STXBP5L: variants seen among roughly 807,000 people sequenced by gnomAD.
The protein encoded by STXBP5L is syntaxin-binding protein 5-like.
In STXBP5L, 65 loss-of-function variants were observed where a neutral mutation model predicts 144.5. That is an observed-to-expected ratio of 0.45 (90% CI 0.37 to 0.55). STXBP5L has a LOEUF of 0.55. Among genes scored for constraint, STXBP5L ranks in the 20% least tolerant of loss-of-function variants. STXBP5L has a pLI of 0.00. For missense variants in STXBP5L, 1,298 were observed against 1,405.5 expected (o/e 0.92, Z 1.22); for synonymous variants, 505 against 469.6 (o/e 1.08, Z -0.97).
intron 9 of STXBP5L, among the ~76,000 whole-genome samples, chr3:121,199,990 G>A (rs769560189): frequency 7.2e-5 from 11 of 152,096 alleles, no homozygotes; most frequent in Non-Finnish European, 1.2e-4. Flanking sequence ...GGATGATGCT[G>A]GCCTCACAAA....
intron 9 of STXBP5L, among the ~76,000 whole-genome samples, chr3:121,159,843 A>G (rs1252783330): frequency 6.6e-6 from 1 of 151,814 alleles, no homozygotes; most frequent in East Asian, 1.9e-4. Flanking sequence ...CGTGTTAGCC[A>G]GGATGGTCTC....
intron 2 of STXBP5L, among the ~76,000 whole-genome samples, chr3:120,946,990 C>A (rs906431521): frequency 6.6e-6 from 1 of 151,646 alleles, no homozygotes; most frequent in Admixed American, 6.6e-5. Context: ...ATATTTGTAA[C>A]TAATTCTTTC....
At chr3:121,303,819 A>G (rs2052031023) in intron 19 of STXBP5L, among the ~76,000 whole-genome samples, 1 of 152,026 alleles carries the variant, frequency 6.6e-6, no homozygotes, top group Non-Finnish European at 1.5e-5. Flanking sequence ...ATAGGTGGGA[A>G]TTGAAAAATG....
chr3:121,225,633 T>C (rs2049099392), intron 11 of STXBP5L, among the ~76,000 whole-genome samples: 1 of 152,048 alleles, frequency 6.6e-6, no homozygotes, highest in South Asian at 2.1e-4. Flanking sequence ...TTTAGAACTC[T>C]ACAAAGGAAC....
chr3:121,298,613 G>C (rs966779906), intron 19 of STXBP5L, among the ~76,000 whole-genome samples: 9 of 152,106 alleles, frequency 5.9e-5, no homozygotes, highest in African/African-American at 2.4e-5. Context: ...GCTACAACAT[G>C]ATGAGCCTTC....
intron 3 of STXBP5L, among the ~76,000 whole-genome samples, chr3:121,040,583 C>T (rs562922456): frequency 6.6e-6 from 1 of 152,188 alleles, no homozygotes; most frequent in South Asian, 2.1e-4. Context: ...GAAGACCCTT[C>T]TGCAAATCTC....
intron 18 of STXBP5L, among the ~76,000 whole-genome samples, chr3:121,262,407 A>T (rs374496193): frequency 1.3e-3 from 202 of 152,328 alleles, no homozygotes; most frequent in Non-Finnish European, 2.6e-3. Flanking sequence ...AGGCAGGTGG[A>T]TCACCTGAGG....
chr3:121,093,737 T>C (rs2042954842), intron 5 of STXBP5L, among the ~76,000 whole-genome samples: 1 of 152,136 alleles, frequency 6.6e-6, no homozygotes, highest in Non-Finnish European at 1.5e-5. Flanking sequence ...CTGGATTCAT[T>C]AATTTTTGAA....
chr3:121,364,877 G>A (rs2045819948), intron 20 of STXBP5L, among the ~76,000 whole-genome samples: 1 of 151,612 alleles, frequency 6.6e-6, no homozygotes, highest in South Asian at 2.1e-4. Context: ...TTATTATATT[G>A]AGATAATTTC....
At chr3:121,353,567 C>G (rs781163892) in intron 20 of STXBP5L, among the ~76,000 whole-genome samples, 4 of 151,954 alleles carry the variant, frequency 2.6e-5, no homozygotes, top group African/African-American at 4.8e-5. Context: ...TTTGATTCTT[C>G]TCTCTTTTCT....
intron 3 of STXBP5L, among the ~76,000 whole-genome samples, chr3:120,995,703 T>C (rs1943293335): frequency 6.6e-6 from 1 of 152,078 alleles, no homozygotes; most frequent in Non-Finnish European, 1.5e-5. Context: ...TAGAATAATA[T>C]AATTTTCTTA....
intron 3 of STXBP5L, among the ~76,000 whole-genome samples, chr3:120,997,687 G>A (rs1000153853): frequency 6.6e-6 from 1 of 152,088 alleles, no homozygotes; most frequent in African/African-American, 2.4e-5. Flanking sequence ...ACCTTTGTCA[G>A]ATGCATAGCT....
In STXBP5L at chr3:121,011,762, T is replaced by A. The variant is rs140628869; in HGVS notation, c.288-29938T>A. On this transcript the variant is annotated intron_variant, in intron 3 of 26. Coordinates refer to ENST00000471454, the MANE Select transcript of STXBP5L (RefSeq NM_001308330.2). ...GGACACTTATAATGAATTTGTTATATCTTTTTTTTTGTTTTGTTGTTAAAC... is the reference window on the plus strand; with the variant it reads ...GGACACTTATAATGAATTTGTTATAACTTTTTTTTTGTTTTGTTGTTAAAC... Among the ~76,000 whole-genome samples, 171 of 151,890 alleles carry A rather than the reference T, an allele frequency of 1.1e-3. 1 individual carries two copies. Among genetic ancestry groups the A allele is most frequent in the African/African-American group, 3.9e-3 (160 of 41,478 alleles).
chr3:121,173,269 G>T (rs555284408), intron 9 of STXBP5L, among the ~76,000 whole-genome samples: 2 of 151,682 alleles, frequency 1.3e-5, no homozygotes, highest in South Asian at 4.2e-4. Context: ...CATGGCACGT[G>T]TATACTTATG....
intron 10 of STXBP5L, among the ~76,000 whole-genome samples, chr3:121,210,672 A>G (rs1386118988): frequency 4.6e-5 from 7 of 152,182 alleles, no homozygotes; most frequent in Admixed American, 3.3e-4. Context: ...TCCCAGCACC[A>G]TTTATTAAAT....
intron 23 of STXBP5L, among the ~76,000 whole-genome samples, chr3:121,412,744 AAAAAAC>A (rs2047144963): frequency 6.7e-6 from 1 of 148,568 alleles, no homozygotes; most frequent in Non-Finnish European, 1.5e-5. Context: ...AAAAAAAAAA[AAAAAAC>A]AAAAGAAAAA....
At chr3:120,962,936 C>G (rs891050839) in intron 3 of STXBP5L, among the ~76,000 whole-genome samples, 3 of 152,116 alleles carry the variant, frequency 2.0e-5, no homozygotes, top group African/African-American at 7.2e-5. Flanking sequence ...TTGTTTGTGT[C>G]CTCTTTTATT....
chr3:121,279,811 A>G lies in STXBP5L; in HGVS notation c.1965A>G (p.Ala655=), dbSNP rs756883304. 6 of 1,611,762 alleles carry G rather than the reference A, an allele frequency of 3.7e-6. No homozygotes were observed. The highest frequency in any genetic ancestry group is 5.1e-6 in the Non-Finnish European group (6 of 1,178,552). The change falls in exon 19 of 27, where the codon GCA becomes GCG. Residue 655 remains alanine, a synonymous_variant. Transcript: ENST00000471454. The stretch of plus-strand genomic sequence containing the variant: ...TATTTTTTTTCTCTCTTAGAGTTGC[A>G]TTTGGGAACTGCAATGGGTTGGCTG... ...LAVSSAYGIV[A]FGNCNGLAVV... is the part of the protein sequence containing the mutation.
intron 3 of STXBP5L, among the ~76,000 whole-genome samples, chr3:120,971,208 A>G (rs532299129): frequency 5.9e-5 from 9 of 152,180 alleles, no homozygotes; most frequent in African/African-American, 2.2e-4. Context: ...GGTACCAGTC[A>G]GTTGCTTTTA....
Sources: allele counts gnomAD v4.1 joint callset (sites outside exome capture counted in the v4.1 genomes callset), GRCh38; gene constraint gnomAD v4.1.1; transcripts MANE v1.5; gene names NCBI Gene and HGNC (gene_info 2026-07-23, HGNC 2026-07-21).